Variants in DPY19L2 observed in about 807,000 individuals in gnomAD.
DPY19L2 encodes the protein probable C-mannosyltransferase DPY19L2.
DPY19L2 carries 34 observed loss-of-function variants against 97.9 expected under a neutral mutation model. The ratio of observed to expected loss-of-function variants is 0.35; its 90% CI spans 0.26 to 0.46. The LOEUF is 0.46. DPY19L2 is among the 20% of genes least tolerant of loss of function. The probability of loss-of-function intolerance (pLI) is 1.00; values close to 1 mark genes in which losing one functional copy is unlikely to be tolerated. For missense variants in DPY19L2, 623 were observed against 911.4 expected (o/e 0.68, Z 4.07); for synonymous variants, 230 against 307.9 (o/e 0.75, Z 2.65).
At chr12:63,584,493 T>C (rs1881448340) in intron 16 of DPY19L2, among the ~76,000 whole-genome samples, 1 of 152,150 alleles carries the variant, frequency 6.6e-6, no homozygotes, top group African/African-American at 2.4e-5. Context: ...AAACGAAAAG[T>C]TCCAAGAAAT....
chr12:63,654,065 C>T (rs1286777801), intron 4 of DPY19L2, among the ~76,000 whole-genome samples: 1 of 151,798 alleles, frequency 6.6e-6, no homozygotes, highest in Admixed American at 6.6e-5. Flanking sequence ...GACATCTATT[C>T]TAAAAGTGTA....
In DPY19L2 at chr12:63,608,577, A is replaced by C. The variant is rs1457038862; in HGVS notation, c.1278+39T>G. The C allele has an allele frequency of 2.0e-6, 3 of 1,493,906 alleles. No homozygotes were observed. The East Asian group carries it at 6.9e-5, about 35-fold the overall frequency. The allele number at this position is 1,493,906 out of a possible 1,614,324, so 92.5% of individuals were successfully genotyped here. ...TGTTCAGTTTATAGAAATAAAAAGT[A>C]GAATTTAAATAAACTGCATTAAAAA... On this transcript the variant is annotated intron_variant, in intron 12 of 21. Coordinates refer to ENST00000324472, the MANE Select transcript of DPY19L2 (RefSeq NM_173812.5).
chr12:63,646,925 C>T (rs1893488370), intron 5 of DPY19L2, among the ~76,000 whole-genome samples: 1 of 151,918 alleles, frequency 6.6e-6, no homozygotes, highest in African/African-American at 2.4e-5. Flanking sequence ...TTAATGTATC[C>T]TCAAAATTTA....
chr12:63,609,731 A>G (rs984426688), intron 11 of DPY19L2, among the ~76,000 whole-genome samples: 2 of 152,122 alleles, frequency 1.3e-5, no homozygotes, highest in Non-Finnish European at 2.9e-5. Context: ...TTCACCTACC[A>G]TCTCTACAAG....
chr12:63,633,509 A>G (rs1395329676), intron 6 of DPY19L2, among the ~76,000 whole-genome samples: 5 of 152,188 alleles, frequency 3.3e-5, no homozygotes, highest in African/African-American at 9.7e-5. Context: ...GAAAACCACA[A>G]TGAGATACCA....
intron 6 of DPY19L2, among the ~76,000 whole-genome samples, chr12:63,633,964 C>CA (rs765582076): frequency 6.6e-6 from 1 of 151,428 alleles, no homozygotes; most frequent in Non-Finnish European, 1.5e-5. Context: ...ATCGCAAAGA[C>CA]AAAAAACCAA....
chr12:63,649,242 A>G (rs1893847024), intron 4 of DPY19L2, among the ~76,000 whole-genome samples: 1 of 152,168 alleles, frequency 6.6e-6, no homozygotes, highest in Non-Finnish European at 1.5e-5. Flanking sequence ...ATCTCAAATT[A>G]ACAACCTAAC....
At chr12:63,652,651 T>G (rs1894425461) in intron 4 of DPY19L2, among the ~76,000 whole-genome samples, 1 of 152,186 alleles carries the variant, frequency 6.6e-6, no homozygotes. Flanking sequence ...GAGGCCAGTA[T>G]GCTAAGTGAA....
intron 11 of DPY19L2, among the ~76,000 whole-genome samples, chr12:63,611,449 A>G (rs1277544153): frequency 1.3e-5 from 2 of 151,848 alleles, no homozygotes; most frequent in Non-Finnish European, 1.5e-5. Context: ...CCCCGATATG[A>G]GAAGAAGAAA....
intron 12 of DPY19L2, among the ~76,000 whole-genome samples, chr12:63,603,712 T>C (rs761670064): frequency 1.5e-4 from 23 of 152,208 alleles, no homozygotes; most frequent in Non-Finnish European, 2.5e-4. Context: ...CATTTCTTTT[T>C]ATGACTGCAT....
intron 6 of DPY19L2, among the ~76,000 whole-genome samples, chr12:63,638,807 C>G (rs969471091): frequency 2.6e-5 from 4 of 152,030 alleles, no homozygotes; most frequent in Non-Finnish European, 4.4e-5. Context: ...CAATGCCATC[C>G]CCATCAAGCT....
intron 21 of DPY19L2, among the ~76,000 whole-genome samples, chr12:63,562,289 T>C (rs1876701480): frequency 6.6e-6 from 1 of 152,182 alleles, no homozygotes; most frequent in South Asian, 2.1e-4. Flanking sequence ...GCTTTCTTTT[T>C]TGTCTGGCTT....
intron 20 of DPY19L2, 111 bp downstream of exon 20, chr12:63,570,647 T>TCGTG (rs879094541): frequency 1.9e-6 from 1 of 538,184 alleles, no homozygotes; most frequent in Non-Finnish European, 3.1e-6. Context: ...GAGGATGAGT[T>TCGTG]TGTGTGTGTG....
chr12:63,663,241 T>G (rs1028579097), intron 3 of DPY19L2, among the ~76,000 whole-genome samples: 1 of 152,164 alleles, frequency 6.6e-6, no homozygotes, highest in Non-Finnish European at 1.5e-5. Flanking sequence ...GCTATCCCGC[T>G]TACTCCTCAC....
chr12:63,631,868 G>C (rs934552720), intron 6 of DPY19L2, among the ~76,000 whole-genome samples: 1 of 152,098 alleles, frequency 6.6e-6, no homozygotes, highest in Non-Finnish European at 1.5e-5. Context: ...TATCTACCAT[G>C]ATCAAGTGGG....
intron 16 of DPY19L2, among the ~76,000 whole-genome samples, chr12:63,585,194 C>G (rs1277111945): frequency 1.3e-5 from 2 of 151,318 alleles, no homozygotes; most frequent in Admixed American, 6.6e-5. Context: ...AGGTAGGAGA[C>G]TGCCTATTTT....
chr12:63,588,904 C>T (rs1180402416), intron 16 of DPY19L2, among the ~76,000 whole-genome samples: 1 of 151,944 alleles, frequency 6.6e-6, no homozygotes, highest in Admixed American at 6.6e-5. Context: ...CAGGCGCCCA[C>T]CACGATGCCC....
In DPY19L2 at chr12:63,634,948, C is replaced by T. The variant is rs184410148; in HGVS notation, c.804-8422G>A. On this transcript the variant is annotated intron_variant, in intron 6 of 21. Coordinates refer to ENST00000324472, the MANE Select transcript of DPY19L2 (RefSeq NM_173812.5). ...GAAGAGACTAGTGGTTCTCCCAGCA[C>T]GCAGCTGGAGATCTAACAACAGACA... Among the ~76,000 whole-genome samples the T allele has an allele frequency of 4.2e-3, 633 of 152,272 alleles. 1 individual carries two copies. Among genetic ancestry groups the T allele is most frequent in the African/African-American group, 0.014 (592 of 41,546 alleles).
intron 14 of DPY19L2, among the ~76,000 whole-genome samples, chr12:63,596,450 T>C (rs1884264751): frequency 6.6e-6 from 1 of 152,174 alleles, no homozygotes; most frequent in South Asian, 2.1e-4. Context: ...CCAAAGTTAA[T>C]GACTAAAACT....
Sources: allele counts gnomAD v4.1 joint callset (sites outside exome capture counted in the v4.1 genomes callset), GRCh38; gene constraint gnomAD v4.1.1; transcripts MANE v1.5; gene names NCBI Gene and HGNC (gene_info 2026-07-23, HGNC 2026-07-21).